Variants in ZNF431 observed in about 807,000 individuals in gnomAD.
ZNF431 encodes the protein zinc finger protein 431.
A neutral mutation model predicts 57.0 loss-of-function variants in ZNF431; 34 were observed. That is an observed-to-expected ratio of 0.60 (90% CI 0.45 to 0.79). The LOEUF (loss-of-function observed/expected upper bound fraction) is 0.79. ZNF431 is among the 30% of genes least tolerant of loss of function. The pLI is 0.00. For synonymous variants in ZNF431, 207 were observed against 220.3 expected (o/e 0.94, Z 0.54); for missense variants, 607 against 667.1 (o/e 0.91, Z 0.99).
At position 21,188,026 on chromosome 19, in the gene ZNF431, A is replaced by C. The variant is rs1971419696; in HGVS notation, c.*3992A>C. 6.6e-6 allele frequency: 1 copy of C among 152,260 alleles called. No individual in the cohort carries two copies. The highest frequency in any genetic ancestry group is 1.5e-5 in the Non-Finnish European group (1 of 68,086). 9.4% of individuals were successfully genotyped at this position (152,260 alleles called of 1,614,324 possible). On this transcript the variant is annotated 3_prime_UTR_variant, in exon 5 of 5. Transcript: ENST00000311048. The stretch of plus-strand genomic sequence containing the variant: ...GTAATCCCAGCACTGAGATAGGCCA[A>C]GGAGGGTGGATCACTTGAGGTCAGG...
intron 4 of ZNF431, among the ~76,000 whole-genome samples, chr19:21,179,306 A>C (rs1399758895): frequency 3.3e-5 from 5 of 152,142 alleles, no homozygotes; most frequent in African/African-American, 1.2e-4. Flanking sequence ...GTCAAAAAAA[A>C]CCAGCTCCTG....
At chr19:21,169,741 G>A in intron 4 of ZNF431, 1 of 398,498 alleles carries the variant, frequency 2.5e-6, no homozygotes, top group Non-Finnish European at 4.4e-6. Flanking sequence ...ATGTGAATGG[G>A]TTTGCCTTTC....
intron 3 of ZNF431, 67 bp downstream of exon 3, chr19:21,166,528 A>G: frequency 1.1e-5 from 16 of 1,516,368 alleles, no homozygotes; most frequent in Non-Finnish European, 1.4e-5. Context: ...TTTTTGTAGA[A>G]TTTTTTTGAT....
chr19:21,162,948 T>C (rs1292148896), intron 2 of ZNF431, among the ~76,000 whole-genome samples: 1 of 152,192 alleles, frequency 6.6e-6, no homozygotes, highest in Admixed American at 6.5e-5. Context: ...ATTCTCTCAT[T>C]CTGTATCCCT....
intron 2 of ZNF431, among the ~76,000 whole-genome samples, chr19:21,157,008 G>A (rs1260229669): frequency 1.3e-5 from 2 of 152,092 alleles, no homozygotes; most frequent in African/African-American, 4.8e-5. Flanking sequence ...GAATGCTTGA[G>A]CTAAGGCAAT....
At chr19:21,175,381 T>C in intron 4 of ZNF431, 1 of 692,970 alleles carries the variant, frequency 1.4e-6, no homozygotes, top group South Asian at 1.5e-5. Flanking sequence ...TGCTTAAAGA[T>C]ATAAAGTTAC....
intron 3 of ZNF431, among the ~76,000 whole-genome samples, chr19:21,166,945 C>A (rs1970735463): frequency 6.6e-6 from 1 of 152,170 alleles, no homozygotes; most frequent in Non-Finnish European, 1.5e-5. Context: ...TCACTGCAAC[C>A]TCCACCCTGG....
At position 21,187,019 on chromosome 19, in the gene ZNF431, T is replaced by C. The variant is rs558483468; in HGVS notation, c.*2985T>C. 1.3e-5 allele frequency: 2 copies of C among 152,314 alleles called. No individual in the cohort carries two copies. The highest frequency in any genetic ancestry group is 3.9e-4 in the East Asian group (2 of 5,182). The allele number at this position is 152,314 out of a possible 1,614,324, so 9.4% of individuals were successfully genotyped here. A position where few individuals can be genotyped will look rare whatever the true frequency, so the allele number is the denominator to read the frequency against. ...TTTATATATAAATGTAGCAAACATA[T>C]ATTACAGTTTTCACTGTGTAATAGA... On this transcript the variant is annotated 3_prime_UTR_variant, in exon 5 of 5. Transcript: ENST00000311048.
At position 21,194,226 on chromosome 19, in the gene ZNF431, A is replaced by C. The variant is rs1971564065; in HGVS notation, c.*10192A>C. ...CCTTACACCAATAACATTCAAGCTG[A>C]GAACAAAATCAAGAACAGTTTTCTT... On this transcript the variant is annotated 3_prime_UTR_variant, in exon 5 of 5. Coordinates refer to ENST00000311048, the MANE Select transcript of ZNF431 (RefSeq NM_133473.4). The C allele has an allele frequency of 6.6e-6, 1 of 152,212 alleles. No homozygotes were observed. Among genetic ancestry groups the C allele is most frequent in the Admixed American group, 6.5e-5 (1 of 15,280 alleles). The allele number at this position is 152,212 out of a possible 1,614,324, so 9.4% of individuals were successfully genotyped here. A position where few individuals can be genotyped will look rare whatever the true frequency, so the allele number is the denominator to read the frequency against.
At chr19:21,179,446 A>G (rs199742226) in intron 4 of ZNF431, among the ~76,000 whole-genome samples, 3 of 151,334 alleles carry the variant, frequency 2.0e-5, no homozygotes, top group Non-Finnish European at 4.4e-5. Context: ...TCTTTTAGTT[A>G]TGATGTTAGG....
chr19:21,174,845 T>G (rs1487556056), intron 4 of ZNF431, among the ~76,000 whole-genome samples: 1 of 152,130 alleles, frequency 6.6e-6, no homozygotes, highest in Non-Finnish European at 1.5e-5. Context: ...CGATCTCTGC[T>G]CACTGCAACC....
chr19:21,169,325 T>C (rs1970814364), intron 4 of ZNF431, among the ~76,000 whole-genome samples: 4 of 152,176 alleles, frequency 2.6e-5, no homozygotes, highest in Admixed American at 2.0e-4. Context: ...TTTTAAAAAA[T>C]GTTCTTGACT....
chr19:21,149,662 T>C (rs1284455567), intron 2 of ZNF431: 1 of 527,278 alleles, frequency 1.9e-6, no homozygotes, highest in East Asian at 4.3e-5. Context: ...CCCAGTTTAG[T>C]GGCAAGTTCT....
intron 2 of ZNF431, among the ~76,000 whole-genome samples, chr19:21,163,369 T>TCTGTG (rs1259670416): frequency 6.6e-6 from 1 of 152,240 alleles, no homozygotes; most frequent in African/African-American, 2.4e-5. Context: ...TGTAAGGGAC[T>TCTGTG]CTGTGCTGTG....
chr19:21,190,442 C>T lies in ZNF431; in HGVS notation c.*6408C>T, dbSNP rs934048437. The stretch of plus-strand genomic sequence containing the variant: ...CGTAATGGCTATCCTCATTTACGTT[C>T]ACACCAACAGTGTGCAAGGATTCCG... On this transcript the variant is annotated 3_prime_UTR_variant, in exon 5 of 5. Transcript: ENST00000311048. 5 of 152,112 alleles carry T rather than the reference C, an allele frequency of 3.3e-5. No homozygotes were observed. Among genetic ancestry groups the T allele is most frequent in the African/African-American group, 1.2e-4 (5 of 41,436 alleles). The allele number at this position is 152,112 out of a possible 1,614,324, so 9.4% of individuals were successfully genotyped here.
chr19:21,176,164 C>G (rs1332169703), intron 4 of ZNF431, among the ~76,000 whole-genome samples: 1 of 150,904 alleles, frequency 6.6e-6, no homozygotes, highest in Non-Finnish European at 1.5e-5. Context: ...ATTTCCATTT[C>G]TTTAATGATC....
chr19:21,174,805 T>A (rs1971003592), intron 4 of ZNF431, among the ~76,000 whole-genome samples: 1 of 152,172 alleles, frequency 6.6e-6, no homozygotes, highest in Non-Finnish European at 1.5e-5. Flanking sequence ...GGCATCTCGC[T>A]CTGTCACCCA....
At chr19:21,149,849 C>A in intron 2 of ZNF431, 1 of 652,454 alleles carries the variant, frequency 1.5e-6, no homozygotes, top group African/African-American at 1.8e-5. Flanking sequence ...GACAGTGGTG[C>A]AGGTCTTCCT....
intron 2 of ZNF431, among the ~76,000 whole-genome samples, chr19:21,145,913 C>G (rs1414350746): frequency 6.6e-6 from 1 of 151,992 alleles, no homozygotes; most frequent in Non-Finnish European, 1.5e-5. Context: ...GAATGTTTTA[C>G]CATGAAGTCA....
Sources: gnomAD v4.1 joint callset for allele counts (sites outside exome capture counted in the v4.1 genomes callset) on GRCh38, gnomAD v4.1.1 for gene constraint, MANE v1.5 for transcripts, NCBI Gene and HGNC (gene_info 2026-07-23, HGNC 2026-07-21) for gene names.